The following SCAF11 variants were observed in gnomAD, a reference collection of about 807,000 sequenced individuals.
The protein encoded by SCAF11 is SR-related CTD associated factor 11, also known as protein SCAF11.
Under a neutral mutation model 140.5 loss-of-function variants are expected in SCAF11, and 47 were observed. The observed-to-expected ratio is 0.33, with a 90% CI of 0.26 to 0.43. SCAF11 has a LOEUF of 0.43. Among genes scored for constraint, SCAF11 ranks in the 20% least tolerant of loss-of-function variants. The pLI, the probability that SCAF11 is intolerant of heterozygous loss-of-function variation, is 1.00. For synonymous variants in SCAF11, 557 were observed against 579.4 expected, an observed-to-expected ratio of 0.96 and a Z score of 0.55; for missense variants, 1,645 against 1,705.1, an observed-to-expected ratio of 0.96 and a Z score of 0.62.
intron 3 of SCAF11, 27 bp from the exon 4 acceptor site, chr12:45,951,754 T>C (rs1945555129): frequency 4.3e-6 from 6 of 1,380,228 alleles, no homozygotes; most frequent in African/African-American, 1.4e-5. Flanking sequence ...AAATTATATC[T>C]TTACAAATGT....
At chr12:45,929,247 TC>T (rs1944983365) in intron 10 of SCAF11, 2 of 153,978 alleles carry the variant, frequency 1.3e-5, no homozygotes, top group East Asian at 3.8e-4. Context: ...AGCCTCAACC[TC>T]CCAGGCTCAA....
chr12:45,944,972 A>G, intron 6 of SCAF11: 1 of 391,382 alleles, frequency 2.6e-6, no homozygotes, highest in Non-Finnish European at 4.5e-6. Context: ...ATAAGGCCAC[A>G]GTATGAGCTG....
intron 1 of SCAF11, among the ~76,000 whole-genome samples, chr12:45,973,394 T>C (rs1946159551): frequency 1.3e-5 from 2 of 150,048 alleles, no homozygotes; most frequent in African/African-American, 4.9e-5. Flanking sequence ...AAAAAGAAAG[T>C]AGAAAGAAGA....
At chr12:45,983,364 A>T (rs1946387603) in intron 1 of SCAF11, among the ~76,000 whole-genome samples, 1 of 152,232 alleles carries the variant, frequency 6.6e-6, no homozygotes, top group African/African-American at 2.4e-5. Context: ...ATAGATATCA[A>T]CAAACCTGGA....
chr12:45,990,687 C>T (rs1289026729), upstream of SCAF11: 2 of 869,986 alleles, frequency 2.3e-6, no homozygotes, highest in Admixed American at 8.9e-5. Flanking sequence ...GGCAGCCGGA[C>T]TCGCCACATT....
At chr12:45,940,283 A>G (rs956942768) in intron 6 of SCAF11, among the ~76,000 whole-genome samples, 1 of 152,242 alleles carries the variant, frequency 6.6e-6, no homozygotes, top group Admixed American at 6.5e-5. Flanking sequence ...GGGAGCAGAC[A>G]TTCTGCTATC....
intron 1 of SCAF11, among the ~76,000 whole-genome samples, chr12:45,972,364 T>C (rs1946092789): frequency 6.6e-6 from 1 of 151,988 alleles, no homozygotes. Context: ...GGAGGACTGC[T>C]TAAAGCTAGT....
At chr12:45,959,676 T>C (rs1945779120) in intron 3 of SCAF11, among the ~76,000 whole-genome samples, 1 of 152,236 alleles carries the variant, frequency 6.6e-6, no homozygotes, top group African/African-American at 2.4e-5. Context: ...CATATCTATT[T>C]TTATCACAGC....
At chr12:45,956,291 C>CA (rs1945691272) in intron 3 of SCAF11, 8 of 640,692 alleles carry the variant, frequency 1.2e-5, no homozygotes, top group Admixed American at 8.3e-5. Flanking sequence ...GAATCTCGAA[C>CA]ATCTATCTCT....
In SCAF11 at chr12:45,990,403, C is replaced by G; in HGVS notation, c.-72G>C. ...TCCGGCCGCGGCCCCACAGTAGGTT[C>G]CCAGGTCCCAGTCACTCCGCTGCCA... On this transcript the variant is annotated 5_prime_UTR_variant, in exon 1 of 15. Coordinates refer to ENST00000369367, the MANE Select transcript of SCAF11 (RefSeq NM_004719.3). The G allele has an allele frequency of 8.1e-7, 1 of 1,232,420 alleles. No homozygotes were observed. The highest frequency in any genetic ancestry group is 1.0e-6 in the Non-Finnish European group (1 of 988,612). 76.3% of individuals were successfully genotyped at this position (1,232,420 alleles called of 1,614,324 possible).
Position 45,921,794 on chromosome 12 carries a change from G to A in SCAF11, c.*254C>T. 1 of 417,384 alleles carries A rather than the reference G, an allele frequency of 2.4e-6. No individual in the cohort carries two copies. 25.9% of individuals were successfully genotyped at this position (417,384 alleles called of 1,614,324 possible). A position where few individuals can be genotyped will look rare whatever the true frequency, so the allele number is the denominator to read the frequency against. ...GTATCCACACTATAACACAGTCCTAGTAAAGATGCACATTCCTTTAAACCC... is the reference window on the plus strand; with the variant it reads ...GTATCCACACTATAACACAGTCCTAATAAAGATGCACATTCCTTTAAACCC... On this transcript the variant is annotated 3_prime_UTR_variant, in exon 15 of 15. Transcript: ENST00000369367.
At chr12:45,959,193 G>A (rs886792660) in intron 3 of SCAF11, among the ~76,000 whole-genome samples, 19 of 152,070 alleles carry the variant, frequency 1.2e-4, no homozygotes, top group Middle Eastern at 6.8e-3. Context: ...CGCTTGGCCT[G>A]GGAGGCAGAA....
At chr12:45,931,790 A>G (rs768117658) in intron 9 of SCAF11, among the ~76,000 whole-genome samples, 178 bp from the exon 10 acceptor site, 25 of 152,166 alleles carry the variant, frequency 1.6e-4, no homozygotes, top group Non-Finnish European at 3.2e-4. Flanking sequence ...ATAGCTACCA[A>G]TTGGCTAAAA....
intron 3 of SCAF11, chr12:45,955,626 TAATA>T (rs781357768): frequency 1.2e-4 from 19 of 153,052 alleles, no homozygotes; most frequent in Non-Finnish European, 2.0e-4. Flanking sequence ...AAATTTTAAC[TAATA>T]CTTACTCTAT....
chr12:45,948,369 T>A (rs925360934), intron 5 of SCAF11, 68 bp downstream of exon 5: 3 of 997,852 alleles, frequency 3.0e-6, no homozygotes, highest in Non-Finnish European at 4.6e-6. Context: ...ATTTTTTTAA[T>A]ACCTTTTTTG....
At chr12:45,931,639 T>G in intron 9 of SCAF11, 27 bp from the exon 10 acceptor site, 1 of 1,213,878 alleles carries the variant, frequency 8.2e-7, no homozygotes, top group Non-Finnish European at 1.1e-6. Flanking sequence ...GACATTTTTG[T>G]TTAAATGGTT....
At chr12:45,968,957 C>T (rs1323718602) in intron 1 of SCAF11, among the ~76,000 whole-genome samples, 1 of 152,040 alleles carries the variant, frequency 6.6e-6, no homozygotes, top group Admixed American at 6.6e-5. Context: ...AAAACAAAAA[C>T]GGTCTGTATT....
intron 1 of SCAF11, among the ~76,000 whole-genome samples, chr12:45,973,282 GA>G (rs1185445720): frequency 6.8e-6 from 1 of 146,074 alleles, no homozygotes; most frequent in Non-Finnish European, 1.5e-5. Flanking sequence ...GAAAAACATT[GA>G]AAAAAAAATA....
chr12:45,956,551 G>A (rs1945696336), intron 3 of SCAF11, among the ~76,000 whole-genome samples: 1 of 152,114 alleles, frequency 6.6e-6, no homozygotes, highest in Non-Finnish European at 1.5e-5. Context: ...CCATATTAGT[G>A]AAACTGTGGT....
Sources: gnomAD v4.1 joint callset for allele counts (sites outside exome capture counted in the v4.1 genomes callset) on GRCh38, gnomAD v4.1.1 for gene constraint, MANE v1.5 for transcripts, NCBI Gene and HGNC (gene_info 2026-07-23, HGNC 2026-07-21) for gene names.